RGPD3: variants seen among roughly 807,000 people sequenced by gnomAD.
RGPD3 encodes the protein ranBP2-like and GRIP domain-containing protein 3.
In RGPD3, 62 loss-of-function variants were observed where a neutral mutation model predicts 154.5. The ratio of observed to expected loss-of-function variants is 0.40; its 90% CI spans 0.33 to 0.50. The LOEUF (loss-of-function observed/expected upper bound fraction) is 0.50. Ranked by LOEUF, RGPD3 falls within the 20% of genes least tolerant of loss-of-function variation. The probability of loss-of-function intolerance (pLI) is 0.59; values close to 1 mark genes in which losing one functional copy is unlikely to be tolerated. For missense variants in RGPD3, 919 were observed against 1,716.8 expected (o/e 0.54, Z 8.21); for synonymous variants, 308 against 607.0 (o/e 0.51, Z 7.24).
intron 7 of RGPD3, among the ~76,000 whole-genome samples, chr2:106,446,191 T>C (rs1328975488): frequency 7.4e-6 from 1 of 134,794 alleles, no homozygotes; most frequent in Non-Finnish European, 1.6e-5. Flanking sequence ...ATTAATCATT[T>C]TTCTAAGCCT....
intron 6 of RGPD3, among the ~76,000 whole-genome samples, chr2:106,451,174 T>G (rs1232132423): frequency 6.6e-6 from 1 of 150,678 alleles, no homozygotes; most frequent in African/African-American, 2.4e-5. Flanking sequence ...AAGAAAAATG[T>G]AAAAGGAACT....
rs778501837 is a variant in RGPD3, at chr2:106,415,831, C to G, written c.5064+19G>C. 105 of 1,611,488 alleles carry G rather than the reference C, an allele frequency of 6.5e-5. No individual in the cohort carries two copies. Among genetic ancestry groups the G allele is most frequent in the Admixed American group, 1.5e-4 (9 of 59,936 alleles). ...ACCAAACTGGCAGTTTTTATGGTGG[C>G]CAGGTTTTCTGATCTCACCTTAATT... On this transcript the variant is annotated intron_variant, in intron 21 of 22. Transcript: ENST00000409886.
intron 1 of RGPD3, among the ~76,000 whole-genome samples, chr2:106,463,659 G>C (rs1370523091): frequency 2.0e-5 from 3 of 151,378 alleles, no homozygotes; most frequent in Non-Finnish European, 4.4e-5. Context: ...GAGCACAGCT[G>C]TGTAGCAAAG....
rs1463177272 is a variant in RGPD3 at position 106,405,440 on chromosome 2, A to T, written c.5267-211T>A. Reference sequence around the variant, plus strand: ...ACCCAGGCTGGAGTGCAGTGGCGTGATGAGACTTCAGTGCAGCCTTGATCT... The same window carrying T: ...ACCCAGGCTGGAGTGCAGTGGCGTGTTGAGACTTCAGTGCAGCCTTGATCT... On this transcript the variant is annotated intron_variant, in intron 22 of 22. Transcript: ENST00000409886. Among the ~76,000 whole-genome samples, 13 of 138,046 alleles carry T rather than the reference A, an allele frequency of 9.4e-5. No individual in the cohort carries two copies. The East Asian group carries it at 2.6e-3, about 28-fold the overall frequency. The allele number at this position is 138,046 out of a possible 152,430, so 90.6% of individuals were successfully genotyped here.
chr2:106,468,805 CAAAAAAAAAAAAAA>C (rs57971663), upstream of RGPD3, among the ~76,000 whole-genome samples: 2 of 56,932 alleles, frequency 3.5e-5, no homozygotes, highest in South Asian at 1.1e-3. Context: ...GACTCCATCT[CAAAAAAAAAAAAAA>C]AAAAAAAAAA....
chr2:106,408,643 C>T lies in RGPD3; in HGVS notation c.5267-3414G>A, dbSNP rs576879302. ...TCAACATTAGCCTTACTAGATTCAA[C>T]ATATTCTAATGTTTCACATATTATT... On this transcript the variant is annotated intron_variant, in intron 22 of 22. Transcript: ENST00000409886. Among the ~76,000 whole-genome samples, 40 of 146,334 alleles carry T rather than the reference C, an allele frequency of 2.7e-4. No individual in the cohort carries two copies. The East Asian group carries it at 9.0e-3, about 33-fold the overall frequency.
At chr2:106,446,235 T>A (rs997385925) in intron 7 of RGPD3, among the ~76,000 whole-genome samples, 1 of 136,918 alleles carries the variant, frequency 7.3e-6, no homozygotes, top group African/African-American at 2.7e-5. Flanking sequence ...TGCTTATTTC[T>A]TTTCCTTTCA....
rs534151109 is a variant in RGPD3 at position 106,450,122 on chromosome 2, G to A, written c.782+2083C>T. 4.2e-5 allele frequency among the ~76,000 whole-genome samples: 6 copies of A among 143,646 alleles called. No homozygotes were observed. The South Asian group carries it at 1.2e-3, about 30-fold the overall frequency. The allele number at this position is 143,646 out of a possible 152,430, so 94.2% of individuals were successfully genotyped here. A position where few individuals can be genotyped will look rare whatever the true frequency, so the allele number is the denominator to read the frequency against. On this transcript the variant is annotated intron_variant, in intron 6 of 22. Transcript: ENST00000409886. The stretch of plus-strand genomic sequence containing the variant: ...GGGCTGGGCGCGGTGGCTCATGCCT[G>A]TAATCCCAACACTTTGGGAGGCCGA...
intron 7 of RGPD3, among the ~76,000 whole-genome samples, chr2:106,445,907 T>A (rs1375704354): frequency 1.7e-5 from 1 of 57,282 alleles, no homozygotes; most frequent in Non-Finnish European, 3.5e-5. Context: ...CTGACCAACA[T>A]GGAGAAACCT....
rs1175161641 is a variant in RGPD3 at position 106,404,257 on chromosome 2, C to A, written c.*962G>T. Reference sequence around the variant, plus strand: ...ATGGAGAGGATTCTCAAAACAGATTCATGGCTTGCATGCAGTGACACCCTA... The same window carrying A: ...ATGGAGAGGATTCTCAAAACAGATTAATGGCTTGCATGCAGTGACACCCTA... On this transcript the variant is annotated 3_prime_UTR_variant, in exon 23 of 23. Coordinates refer to ENST00000409886, the MANE Select transcript of RGPD3 (RefSeq NM_001144013.2). 6.7e-6 allele frequency among the ~76,000 whole-genome samples: 1 copy of A among 150,142 alleles called. No homozygotes were observed. Among genetic ancestry groups the A allele is most frequent in the African/African-American group, 2.5e-5 (1 of 40,070 alleles).
In RGPD3 at chr2:106,415,988, C is replaced by T. The variant is rs1019872990; in HGVS notation, c.4926G>A (p.Glu1642=). 1.2e-6 allele frequency: 2 copies of T among 1,611,704 alleles called. No homozygotes were observed. Among genetic ancestry groups the T allele is most frequent in the South Asian group, 1.1e-5 (1 of 90,958 alleles). Residue 1642 remains glutamate (E), a splice_region_variant and synonymous_variant, in exon 21 of 23, where the codon GAG becomes GAA. Coordinates refer to ENST00000409886, the MANE Select transcript of RGPD3 (RefSeq NM_001144013.2). ...TAAATTCAGCATACCATAATGGAGG[C>T]TCTGCAACATGTTGTTCCAAGAATT... ...INYTFKTPEK[E]PPLWYAEFTK...
Position 106,436,138 on chromosome 2 carries a change from T to C in RGPD3, c.1743A>G (p.Lys581=), listed in dbSNP as rs1677542564. ...LQPALLVHWA[K]CLQKMGSGLN... ...TAAAACTCACCATTTTCTGAAGGCA[T>C]TTTGCCCAATGTACAAGCAGAGCAG... Residue 581 remains lysine, a synonymous_variant, in exon 12 of 23, where the codon AAA becomes AAG. Coordinates refer to ENST00000409886, the MANE Select transcript of RGPD3 (RefSeq NM_001144013.2). The C allele has an allele frequency of 3.1e-6, 5 of 1,605,860 alleles. No individual in the cohort carries two copies. The East Asian group carries it at 1.1e-4, about 36-fold the overall frequency.
chr2:106,446,146 T>C (rs1296985146), intron 7 of RGPD3, among the ~76,000 whole-genome samples: 17 of 120,178 alleles, frequency 1.4e-4, no homozygotes, highest in African/African-American at 5.0e-4. Flanking sequence ...TGAATCCTTT[T>C]TTTTCCCTCC....
At chr2:106,455,147 G>A (rs1230700055) in intron 4 of RGPD3, among the ~76,000 whole-genome samples, 1 of 152,224 alleles carries the variant, frequency 6.6e-6, no homozygotes, top group African/African-American at 2.4e-5. Flanking sequence ...CAGCATGGGC[G>A]ACAGAGCAAG....
In RGPD3 at chr2:106,433,283, C is replaced by G; in HGVS notation, c.2208G>C (p.Leu736Phe). ...CTTTTACAGACTCCAGGGGCACAGG[C>G]AACTAAAAATAAAAGACATTAATTA... ...SDSNLSVVKK[L>F]PVPLESVKEM... Residue 736 changes from leucine to phenylalanine, a missense_variant and splice_region_variant, in exon 16 of 23, where the codon TTG becomes TTC. By Grantham distance (22) the Leu-to-Phe change is conservative. Transcript: ENST00000409886. 1 of 1,601,654 alleles carries G rather than the reference C, an allele frequency of 6.2e-7. No homozygotes were observed. Among genetic ancestry groups the G allele is most frequent in the Non-Finnish European group, 8.5e-7 (1 of 1,177,904 alleles).
At chr2:106,434,595 T>G in intron 14 of RGPD3, 42 bp downstream of exon 14, 1 of 298,460 alleles carries the variant, frequency 3.4e-6, no homozygotes, top group Non-Finnish European at 6.0e-6. Flanking sequence ...AAATAATAAA[T>G]AAATAAATAA....
intron 22 of RGPD3, chr2:106,412,751 T>A: frequency 2.0e-6 from 1 of 499,122 alleles, no homozygotes. Flanking sequence ...AACAAGCTAA[T>A]AAATGTTTTT....
intron 20 of RGPD3, among the ~76,000 whole-genome samples, chr2:106,417,316 A>T (rs1478408068): frequency 6.8e-5 from 9 of 131,752 alleles, no homozygotes; most frequent in Non-Finnish European, 1.4e-4. Flanking sequence ...CCATCCAATT[A>T]GCTCTGTCCC....
chr2:106,450,808 C>A (rs1340294903), intron 6 of RGPD3, among the ~76,000 whole-genome samples: 3 of 119,028 alleles, frequency 2.5e-5, no homozygotes, highest in African/African-American at 9.6e-5. Flanking sequence ...TCACTTGAAC[C>A]CAGGAGGCAG....
Sources: allele counts gnomAD v4.1 joint callset (sites outside exome capture counted in the v4.1 genomes callset), GRCh38; gene constraint gnomAD v4.1.1; transcripts MANE v1.5; gene names NCBI Gene and HGNC (gene_info 2026-07-23, HGNC 2026-07-21).